The following CDH4 variants were observed in gnomAD, a reference collection of about 807,000 sequenced individuals.
CDH4 encodes cadherin-4.
A neutral mutation model predicts 86.0 loss-of-function variants in CDH4; 33 were observed. The ratio of observed to expected loss-of-function variants is 0.38; its 90% CI spans 0.29 to 0.51. CDH4 has a LOEUF of 0.51. Ranked by LOEUF, CDH4 falls within the 20% of genes least tolerant of loss-of-function variation. The probability of loss-of-function intolerance (pLI) is 0.86; values close to 1 mark genes in which losing one functional copy is unlikely to be tolerated. For synonymous variants in CDH4, 555 were observed against 549.4 expected, an observed-to-expected ratio of 1.01 and a Z score of -0.14; for missense variants, 1,114 against 1,307.4, an observed-to-expected ratio of 0.85 and a Z score of 2.28.
intron 2 of CDH4, among the ~76,000 whole-genome samples, chr20:61,639,862 A>T (rs1305170397): frequency 6.6e-6 from 1 of 152,186 alleles, no homozygotes; most frequent in Non-Finnish European, 1.5e-5. Context: ...ACAGAAAATT[A>T]TCTGGCTATC....
In CDH4 at chr20:61,564,613, A is replaced by G. The variant is rs182645408; in HGVS notation, c.170-178950A>G. Among the ~76,000 whole-genome samples, 13 of 152,284 alleles carry G rather than the reference A, an allele frequency of 8.5e-5. No homozygotes were observed. The East Asian group carries it at 1.2e-3, about 14-fold the overall frequency. ...CCCACCAGGAGCAGATGCCAGCACCATGCATCCTGTACAGCCTGCAGAACC... is the reference window on the plus strand; with the variant it reads ...CCCACCAGGAGCAGATGCCAGCACCGTGCATCCTGTACAGCCTGCAGAACC... On this transcript the variant is annotated intron_variant, in intron 2 of 15. Coordinates refer to ENST00000614565, the MANE Select transcript of CDH4 (RefSeq NM_001794.5).
At chr20:61,542,520 T>G (rs765255352) in intron 2 of CDH4, among the ~76,000 whole-genome samples, 1 of 152,232 alleles carries the variant, frequency 6.6e-6, no homozygotes, top group Non-Finnish European at 1.5e-5. Context: ...GTTATGAGGC[T>G]TTGAAATCCT....
intron 2 of CDH4, chr20:61,435,514 G>A (rs1182655194): frequency 6.6e-6 from 1 of 152,610 alleles, no homozygotes; most frequent in Non-Finnish European, 1.5e-5. Context: ...AGGAGGTGGA[G>A]GATGGAAAGT....
chr20:61,482,659 G>A (rs1179065716), intron 2 of CDH4, among the ~76,000 whole-genome samples: 1 of 152,074 alleles, frequency 6.6e-6, no homozygotes, highest in Non-Finnish European at 1.5e-5. Context: ...CAGCTGACTC[G>A]CCCCATGTGG....
At chr20:61,843,330 G>A (rs1479059364) in intron 4 of CDH4, among the ~76,000 whole-genome samples, 2 of 151,396 alleles carry the variant, frequency 1.3e-5, no homozygotes, top group Non-Finnish European at 2.9e-5. Flanking sequence ...GGCGCCTGTA[G>A]TCCCAGCTAC....
rs745513041 is a variant in CDH4, at chr20:61,910,551, C to T, written c.1318C>T (p.His440Tyr). ...CATCATCAGTGGGGATCCATCCGGG[C>T]ACTTCAGCGTCCGCACAGACCCCGT... ...YRIISGDPSGHFSVRTDPVTN... is the reference protein window; with the variant it reads ...YRIISGDPSGYFSVRTDPVTN... Residue 440 changes from histidine (H) to tyrosine (Y), a missense_variant, in exon 9 of 16, where the codon CAC becomes TAC. Transcript: ENST00000614565. 9 of 1,613,960 alleles carry T rather than the reference C, an allele frequency of 5.6e-6. No individual in the cohort carries two copies. Among genetic ancestry groups the T allele is most frequent in the Non-Finnish European group, 2.5e-6 (3 of 1,180,034 alleles).
At chr20:61,257,466 G>T (rs1009313030) in intron 2 of CDH4, among the ~76,000 whole-genome samples, 4 of 152,252 alleles carry the variant, frequency 2.6e-5, no homozygotes, top group Non-Finnish European at 5.9e-5. Flanking sequence ...GCGGAGCCGC[G>T]AAGTATGGAA....
rs1568765905 is a variant in CDH4 at position 61,703,442 on chromosome 20, G to A, written c.170-40121G>A. Among the ~76,000 whole-genome samples the A allele has an allele frequency of 6.6e-6, 1 of 152,200 alleles. No homozygotes were observed. The highest frequency in any genetic ancestry group is 1.5e-5 in the Non-Finnish European group (1 of 68,036). ...TCATAAGGAGGGGACAGTGTGGCTG[G>A]GATATGGGCGGCCTTGCATTTGCAG... On this transcript the variant is annotated intron_variant, in intron 2 of 15. Transcript: ENST00000614565. This position sits in a 1 kb window ranked among gnomAD's most constrained non-coding sequence, Gnocchi z 4.3.
chr20:61,566,342 ATTC>A (rs888238522), intron 2 of CDH4, among the ~76,000 whole-genome samples: 3 of 152,166 alleles, frequency 2.0e-5, no homozygotes, highest in African/African-American at 7.2e-5. Context: ...GTTGGAAAAC[ATTC>A]TTATTTTCTC....
At chr20:61,307,716 G>A (rs13036627) in intron 2 of CDH4, among the ~76,000 whole-genome samples, 6,741 of 152,270 alleles carry the variant, frequency 0.044, 197 homozygotes, top group African/African-American at 0.069. Context: ...TTTCCTGGGT[G>A]GTCCTAGGTG....
At position 61,269,103 on chromosome 20, in the gene CDH4, T is replaced by C. The variant is rs986626777; in HGVS notation, c.169+14166T>C. On this transcript the variant is annotated intron_variant, in intron 2 of 15. Coordinates refer to ENST00000614565, the MANE Select transcript of CDH4 (RefSeq NM_001794.5). The surrounding 1 kb of genome is among the most constrained non-coding windows in gnomAD (Gnocchi z 5.3). ...GAGGGGTTAACAGCACCACTGTCTG[T>C]TGTTCTGGTCCACTGATGGAGCCCT... 6.6e-6 allele frequency among the ~76,000 whole-genome samples: 1 copy of C among 152,188 alleles called. No individual in the cohort carries two copies. The highest frequency in any genetic ancestry group is 1.5e-5 in the Non-Finnish European group (1 of 68,024).
chr20:61,770,451 G>A (rs565052781), intron 3 of CDH4, among the ~76,000 whole-genome samples: 6 of 152,332 alleles, frequency 3.9e-5, no homozygotes, highest in East Asian at 3.9e-4. Context: ...CATCAACCAC[G>A]AAGACTGGAG....
chr20:61,536,207 C>T (rs1361714182), intron 2 of CDH4, among the ~76,000 whole-genome samples: 4 of 152,274 alleles, frequency 2.6e-5, no homozygotes, highest in Admixed American at 6.5e-5. Context: ...GTGTGTTCCA[C>T]GGGTGCAACA....
intron 2 of CDH4, among the ~76,000 whole-genome samples, chr20:61,438,716 G>C (rs1314050197): frequency 6.6e-6 from 1 of 152,066 alleles, no homozygotes; most frequent in African/African-American, 2.4e-5. Flanking sequence ...AAAAAATATT[G>C]GTCAAAACTT....
At chr20:61,495,868 A>AC (rs1326872045) in intron 2 of CDH4, among the ~76,000 whole-genome samples, 1 of 137,184 alleles carries the variant, frequency 7.3e-6, no homozygotes, top group African/African-American at 2.7e-5. Flanking sequence ...GTGCCACTGC[A>AC]CTCCAGCCTG....
At chr20:61,536,237 GCCGTGGCTCCCCTCCTGCCCC>G (rs1291800263) in intron 2 of CDH4, among the ~76,000 whole-genome samples, 4 of 152,166 alleles carry the variant, frequency 2.6e-5, no homozygotes, top group Non-Finnish European at 5.9e-5. Context: ...CAGATCCAAA[GCCGTGGCTCCCCTCCTGCCCC>G]CCGAACCCAG....
In CDH4 at chr20:61,754,340, G is replaced by C. The variant is rs746872305; in HGVS notation, c.396+10551G>C. On this transcript the variant is annotated intron_variant, in intron 3 of 15. Coordinates refer to ENST00000614565, the MANE Select transcript of CDH4 (RefSeq NM_001794.5). The surrounding 1 kb of genome is among the most constrained non-coding windows in gnomAD (Gnocchi z 4.7). ...CAGGGAGGAGTGTCCCCAGCCAGGGGTCCCGCCCAGGGCTCCAAATACCCC... is the reference window on the plus strand; with the variant it reads ...CAGGGAGGAGTGTCCCCAGCCAGGGCTCCCGCCCAGGGCTCCAAATACCCC... Among the ~76,000 whole-genome samples, 2 of 152,124 alleles carry C rather than the reference G, an allele frequency of 1.3e-5. No homozygotes were observed. Among genetic ancestry groups the C allele is most frequent in the Non-Finnish European group, 2.9e-5 (2 of 67,998 alleles).
At chr20:61,751,777 C>A (rs966487709) in intron 3 of CDH4, among the ~76,000 whole-genome samples, 9 of 152,212 alleles carry the variant, frequency 5.9e-5, no homozygotes, top group African/African-American at 9.7e-5. Context: ...GGAAAGTTTG[C>A]CCATTTCTAC....
intron 2 of CDH4, among the ~76,000 whole-genome samples, chr20:61,632,807 C>T (rs1209371609): frequency 1.3e-5 from 2 of 149,824 alleles, no homozygotes; most frequent in Non-Finnish European, 3.0e-5. Flanking sequence ...CTCCCCTGTG[C>T]ACCACCCGCT....
Sources: gnomAD v4.1 joint callset for allele counts (sites outside exome capture counted in the v4.1 genomes callset) on GRCh38, gnomAD v4.1.1 for gene constraint, Gnocchi (gnomAD v3.1) non-coding constraint, MANE v1.5 for transcripts, NCBI Gene and HGNC (gene_info 2026-07-23, HGNC 2026-07-21) for gene names.